TPRG1: variants seen among roughly 807,000 people sequenced by gnomAD.
TPRG1 encodes the protein tumor protein p63 regulated 1.
TPRG1 carries 29 observed loss-of-function variants against 29.3 expected under a neutral mutation model. That is an observed-to-expected ratio of 0.99 (90% CI 0.74 to 1.35). The LOEUF is 1.35. Ranked by LOEUF, TPRG1 falls within the 40% of genes most tolerant of loss-of-function variation. The pLI is 0.00. For missense variants in TPRG1, 327 were observed against 335.0 expected, an observed-to-expected ratio of 0.98 and a Z score of 0.19; for synonymous variants, 130 against 116.8, an observed-to-expected ratio of 1.11 and a Z score of -0.73.
rs1224420432 is a variant in TPRG1, at chr3:189,088,941, C to T, written c.-462-38116C>T. Among the ~76,000 whole-genome samples, 8 of 152,052 alleles carry T rather than the reference C, an allele frequency of 5.3e-5. 1 individual carries two copies. Among genetic ancestry groups the T allele is most frequent in the African/African-American group, 1.9e-4 (8 of 41,390 alleles). On this transcript the variant is annotated intron_variant, in intron 4 of 10. Transcript: ENST00000433971. ...ATGCTCTTCCTCTGTTTCTCTCCCT[C>T]TCTGTCAGATATATGTGTATCTATT...
intron 4 of TPRG1, among the ~76,000 whole-genome samples, chr3:189,249,163 A>G (rs1579029380): frequency 6.6e-6 from 1 of 151,566 alleles, no homozygotes; most frequent in African/African-American, 2.4e-5. Flanking sequence ...TATACATGTA[A>G]TGTTTATATA....
intron 1 of TPRG1, among the ~76,000 whole-genome samples, chr3:189,191,306 T>C (rs1731657400): frequency 6.6e-6 from 1 of 152,246 alleles, no homozygotes; most frequent in South Asian, 2.1e-4. Context: ...TTTAGCATTC[T>C]GAACTGTCCA....
intron 4 of TPRG1, among the ~76,000 whole-genome samples, chr3:189,082,504 G>A (rs569737155): frequency 2.6e-5 from 4 of 152,234 alleles, no homozygotes; most frequent in African/African-American, 9.6e-5. Flanking sequence ...ACTCTTGAAG[G>A]CTATAGGCAG....
upstream of TPRG1, among the ~76,000 whole-genome samples, chr3:189,167,020 T>A (rs935655542): frequency 2.6e-5 from 4 of 152,204 alleles, no homozygotes; most frequent in African/African-American, 9.6e-5. Context: ...TGGGAGCTGC[T>A]CACAGTGTGA....
chr3:189,237,213 TTGAC>T (rs1312996931), intron 3 of TPRG1, among the ~76,000 whole-genome samples: 1 of 152,114 alleles, frequency 6.6e-6, no homozygotes, highest in African/African-American at 2.4e-5. Flanking sequence ...TGCAGGCTAT[TTGAC>T]TGAAGGGGAT....
intron 4 of TPRG1, among the ~76,000 whole-genome samples, chr3:189,253,199 C>G (rs1742554255): frequency 6.6e-6 from 1 of 152,096 alleles, no homozygotes; most frequent in African/African-American, 2.4e-5. Context: ...TCCTCAGGCC[C>G]CTCACCCCCC....
intron 4 of TPRG1, among the ~76,000 whole-genome samples, chr3:189,058,004 T>A (rs1715851444): frequency 6.6e-6 from 1 of 151,898 alleles, no homozygotes; most frequent in African/African-American, 2.4e-5. Context: ...TTATGCTGAA[T>A]ATTAACATGA....
intron 1 of TPRG1, among the ~76,000 whole-genome samples, chr3:189,200,408 C>T (rs2108775892): frequency 6.6e-6 from 1 of 152,318 alleles, no homozygotes; most frequent in Admixed American, 6.5e-5. Context: ...AGCCTGCACA[C>T]ATAAATTCAC....
At chr3:189,165,980 C>A (rs1728121938) in intron 5 of TPRG1, among the ~76,000 whole-genome samples, 1 of 152,064 alleles carries the variant, frequency 6.6e-6, no homozygotes, top group Non-Finnish European at 1.5e-5. Context: ...CTCTGGAAAC[C>A]CAGAGAGCAG....
intron 4 of TPRG1, among the ~76,000 whole-genome samples, chr3:189,258,802 G>C (rs980718939): frequency 6.6e-6 from 1 of 152,164 alleles, no homozygotes; most frequent in Non-Finnish European, 1.5e-5. Flanking sequence ...TGTTTACACT[G>C]TGAGGGGAAA....
In TPRG1 at chr3:189,164,637, TA is replaced by T. The variant is rs768784693; in HGVS notation, c.-10+13775del. Among the ~76,000 whole-genome samples, 1,095 of 115,778 alleles carry T rather than the reference TA, an allele frequency of 9.5e-3. 7 individuals carry two copies. The highest frequency in any genetic ancestry group is 0.029 in the African/African-American group (766 of 26,224). 76.0% of individuals were successfully genotyped at this position (115,778 alleles called of 152,430 possible). A position where few individuals can be genotyped will look rare whatever the true frequency, so the allele number is the denominator to read the frequency against. On this transcript the variant is annotated intron_variant, in intron 5 of 6. Coordinates refer to the TPRG1 transcript ENST00000412373. ...AAAAAATAAAAGCTTCCCTTTTTTT[TA>T]AAAAAAAAAGGTATCTGAAATTTCA...
At chr3:189,026,445 C>A (rs570972216) in intron 4 of TPRG1, among the ~76,000 whole-genome samples, 1 of 152,210 alleles carries the variant, frequency 6.6e-6, no homozygotes, top group Non-Finnish European at 1.5e-5. Context: ...AACTTTGGGG[C>A]CACACAATTC....
chr3:189,238,825 G>A lies in TPRG1; in HGVS notation c.395G>A (p.Cys132Tyr), dbSNP rs1486335232. ...AAATACGACTTCATCATGCTGAGTT[G>A]TGTGCAGCTGCAGCGGATTCCTCTG... Reference protein sequence around the residue: ...ICKYDFIMLSCVQLQRIPLSA... With the variant: ...ICKYDFIMLSYVQLQRIPLSA... Residue 132 changes from cysteine (C) to tyrosine (Y), a missense_variant, in exon 4 of 6, where the codon TGT becomes TAT. Transcript: ENST00000345063. 2.5e-6 allele frequency: 4 copies of A among 1,613,804 alleles called. No individual in the cohort carries two copies. In the East Asian group the frequency reaches 8.9e-5, roughly 36 times the overall value.
At chr3:189,113,472 C>T (rs999419500) in intron 1 of TPRG1, among the ~76,000 whole-genome samples, 1 of 152,048 alleles carries the variant, frequency 6.6e-6, no homozygotes, top group Non-Finnish European at 1.5e-5. Flanking sequence ...AAAGGGAATG[C>T]TTCCAGTTTT....
At chr3:189,011,331 G>C (rs1029994703) in intron 3 of TPRG1, among the ~76,000 whole-genome samples, 8 of 152,068 alleles carry the variant, frequency 5.3e-5, no homozygotes, top group African/African-American at 1.9e-4. Flanking sequence ...GAATAGCATT[G>C]AATCTATAAA....
chr3:189,207,635 C>T (rs1251585986), intron 2 of TPRG1, 41 bp downstream of exon 2: 8 of 1,582,334 alleles, frequency 5.1e-6, no homozygotes, highest in Non-Finnish European at 4.3e-6. Flanking sequence ...TAAAAATTCA[C>T]CCCAAGACAT....
intron 1 of TPRG1, among the ~76,000 whole-genome samples, chr3:189,179,340 C>G (rs1729911789): frequency 6.6e-6 from 1 of 152,166 alleles, no homozygotes; most frequent in Admixed American, 6.5e-5. Context: ...GTCACTTCCC[C>G]AGTGGTGGCT....
At chr3:189,247,842 T>A (rs187181112) in intron 4 of TPRG1, among the ~76,000 whole-genome samples, 1 of 151,962 alleles carries the variant, frequency 6.6e-6, no homozygotes, top group Non-Finnish European at 1.5e-5. Flanking sequence ...GTTCAAGGTA[T>A]GAATACTACC....
At chr3:189,071,480 C>T (rs1716809364) in intron 4 of TPRG1, among the ~76,000 whole-genome samples, 1 of 152,146 alleles carries the variant, frequency 6.6e-6, no homozygotes, top group Non-Finnish European at 1.5e-5. Context: ...GAGGTGTCCA[C>T]ACACTTGCAC....
Sources: allele counts gnomAD v4.1 joint callset (sites outside exome capture counted in the v4.1 genomes callset), GRCh38; gene constraint gnomAD v4.1.1; transcripts MANE v1.5; gene names NCBI Gene and HGNC (gene_info 2026-07-23, HGNC 2026-07-21).